The following C4orf51 variants were observed in gnomAD, a reference collection of about 807,000 sequenced individuals.
The protein encoded by C4orf51 is uncharacterized protein C4orf51.
In C4orf51, 25 loss-of-function variants were observed where a neutral mutation model predicts 25.2. The ratio of observed to expected loss-of-function variants is 0.99; its 90% CI spans 0.72 to 1.39. The LOEUF is 1.39. Among genes scored for constraint, C4orf51 ranks in the 40% most tolerant of loss-of-function variants. The pLI, the probability that C4orf51 is intolerant of heterozygous loss-of-function variation, is 0.00. For synonymous variants in C4orf51, 100 were observed against 84.5 expected (o/e 1.18, Z -1.01); for missense variants, 252 against 239.6 (o/e 1.05, Z -0.34).
chr4:145,737,608 A>G (rs183747364), downstream of C4orf51, among the ~76,000 whole-genome samples: 312 of 152,172 alleles, frequency 2.1e-3, 1 homozygote, highest in African/African-American at 7.0e-3. Context: ...TGTATGTCTG[A>G]GAAGATATTT....
rs558299405 is a variant in C4orf51 at position 145,714,409 on chromosome 4, A to G, written c.308-12502A>G. On this transcript the variant is annotated intron_variant, in intron 2 of 5. Transcript: ENST00000438731. ...ATAGCATGAATCAAGGATCTAGTAC[A>G]GTTTTATTACCTACAATCCTCACGT... Among the ~76,000 whole-genome samples, 4 of 152,342 alleles carry G rather than the reference A, an allele frequency of 2.6e-5. No individual in the cohort carries two copies. In the South Asian group the frequency reaches 6.2e-4, roughly 24 times the overall value.
chr4:145,774,004 G>C (rs1349274070), downstream of C4orf51, among the ~76,000 whole-genome samples: 2 of 152,174 alleles, frequency 1.3e-5, no homozygotes, highest in African/African-American at 2.4e-5. Flanking sequence ...AGTAGTCACT[G>C]AAACTAGTGA....
downstream of C4orf51, among the ~76,000 whole-genome samples, chr4:145,735,757 T>G (rs1396891525): frequency 6.6e-6 from 1 of 152,208 alleles, no homozygotes; most frequent in Non-Finnish European, 1.5e-5. Flanking sequence ...AAAGCTATGG[T>G]GACTATTCCA....
chr4:145,770,377 C>T (rs142573725), intron 1 of C4orf51, among the ~76,000 whole-genome samples: 1,735 of 151,610 alleles, frequency 0.011, 41 homozygotes, highest in African/African-American at 0.04. Context: ...GAGTTTGAAT[C>T]TCACTTCTAC....
downstream of C4orf51, chr4:145,758,065 C>T (rs1734086762): frequency 6.6e-6 from 1 of 152,138 alleles, no homozygotes; most frequent in Non-Finnish European, 1.5e-5. Context: ...TACATATTTT[C>T]TAGGGTGGAG....
intron 1 of C4orf51, among the ~76,000 whole-genome samples, chr4:145,750,460 C>A (rs1038315925): frequency 1.4e-5 from 2 of 147,036 alleles, no homozygotes; most frequent in Non-Finnish European, 3.0e-5. Flanking sequence ...ATATGTCATG[C>A]CACTCTCTCT....
intron 1 of C4orf51, among the ~76,000 whole-genome samples, chr4:145,744,258 G>T (rs966494851): frequency 1.3e-5 from 2 of 152,176 alleles, no homozygotes; most frequent in African/African-American, 4.8e-5. Flanking sequence ...GTTCAACTGG[G>T]ATGGAAACTT....
At chr4:145,726,874 C>T in intron 2 of C4orf51, 37 bp from the exon 3 acceptor site, 1 of 1,532,078 alleles carries the variant, frequency 6.5e-7, no homozygotes, top group Non-Finnish European at 9.0e-7. Flanking sequence ...TCTAACTCTG[C>T]ATTTAATCCT....
rs773468131 is a variant in C4orf51 at position 145,761,122 on chromosome 4, G to A, written n.167-9866G>A. The A allele has an allele frequency of 1.6e-6, 2 of 1,289,508 alleles. No homozygotes were observed. The highest frequency in any genetic ancestry group is 1.5e-5 in the African/African-American group (1 of 65,860). 79.9% of individuals were successfully genotyped at this position (1,289,508 alleles called of 1,614,324 possible). ...CCGGGAGCTCCCGACCACCAGGAGC[G>A]GGGCCCCCGGGCCGGCCGGTTCCTT... On this transcript the variant is annotated intron_variant and non_coding_transcript_variant, in intron 1 of 1. Transcript: ENST00000510096. This position sits in a 1 kb window ranked among gnomAD's most constrained non-coding sequence, Gnocchi z 6.8.
intron 2 of C4orf51, among the ~76,000 whole-genome samples, chr4:145,712,071 T>C (rs562863303): frequency 1.3e-5 from 2 of 152,348 alleles, no homozygotes; most frequent in African/African-American, 4.8e-5. Context: ...CACACTCATA[T>C]AGAACAGCAA....
At chr4:145,694,907 G>C (rs141077828) in intron 1 of C4orf51, among the ~76,000 whole-genome samples, 1 of 152,256 alleles carries the variant, frequency 6.6e-6, no homozygotes, top group African/African-American at 2.4e-5. Context: ...ATGCACAGAA[G>C]TTGAAAATGT....
chr4:145,765,991 C>T lies in C4orf51; in HGVS notation n.167-4997C>T, dbSNP rs112361734. Reference sequence around the variant, plus strand: ...AGGTCTTACATGAATTAAAATAAAACGACAGTAATAGCTAAGACATACTAA... The same window carrying T: ...AGGTCTTACATGAATTAAAATAAAATGACAGTAATAGCTAAGACATACTAA... On this transcript the variant is annotated intron_variant and non_coding_transcript_variant, in intron 1 of 1. Coordinates refer to the C4orf51 transcript ENST00000510096. The surrounding 1 kb of genome is among the most constrained non-coding windows in gnomAD (Gnocchi z 4.7). 1.7e-3 allele frequency among the ~76,000 whole-genome samples: 259 copies of T among 152,264 alleles called. 1 individual carries two copies. The highest frequency in any genetic ancestry group is 5.8e-3 in the African/African-American group (241 of 41,542).
rs1359588917 is a variant in C4orf51, at chr4:145,727,926, ATATAT to A, written c.366+963_366+967del. On this transcript the variant is annotated intron_variant, in intron 3 of 5. Coordinates refer to ENST00000438731, the MANE Select transcript of C4orf51 (RefSeq NM_001080531.3). ...ATATATATATATATATATATATAAA[ATATAT>A]TATATATATACATTATATATAATAA... Among the ~76,000 whole-genome samples, 187 of 90,122 alleles carry A rather than the reference ATATAT, an allele frequency of 2.1e-3. No individual in the cohort carries two copies. The Middle Eastern group carries it at 0.031, about 15-fold the overall frequency. 59.1% of individuals were successfully genotyped at this position (90,122 alleles called of 152,430 possible). A position where few individuals can be genotyped will look rare whatever the true frequency, so the allele number is the denominator to read the frequency against.
chr4:145,790,952 C>A, the C4orf51 span, among the ~76,000 whole-genome samples: 1 of 152,154 alleles, frequency 6.6e-6, no homozygotes, highest in African/African-American at 2.4e-5. Flanking sequence ...ATTTTTTCTC[C>A]TTCATCCAGA....
chr4:145,781,619 G>A, the C4orf51 span, among the ~76,000 whole-genome samples: 1,528 of 152,264 alleles, frequency 0.01, 27 homozygotes, highest in African/African-American at 0.035. Flanking sequence ...AAGGGGAAGA[G>A]GGCAGAAATG....
intron 3 of C4orf51, among the ~76,000 whole-genome samples, chr4:145,727,923 AAAATATAT>A (rs1470874201): frequency 6.0e-5 from 6 of 100,614 alleles, no homozygotes; most frequent in African/African-American, 3.0e-4. Flanking sequence ...ATATATATAT[AAAATATAT>A]TATATATATA....
In C4orf51 at chr4:145,749,579, T is replaced by A. The variant is rs147652947; in HGVS notation, n.168-4628T>A. On this transcript the variant is annotated intron_variant and non_coding_transcript_variant, in intron 1 of 1. Transcript: ENST00000508981. Reference sequence around the variant, plus strand: ...TTTTATTTTTTGTGTATCTGTTATATGTTTTTTGGTTTGAAGTTACTATGA... The same window carrying A: ...TTTTATTTTTTGTGTATCTGTTATAAGTTTTTTGGTTTGAAGTTACTATGA... Among the ~76,000 whole-genome samples, 8 of 152,298 alleles carry A rather than the reference T, an allele frequency of 5.3e-5. No homozygotes were observed. In the East Asian group the frequency reaches 1.5e-3, roughly 29 times the overall value.
chr4:145,781,963 G>A, the C4orf51 span, among the ~76,000 whole-genome samples: 4 of 152,206 alleles, frequency 2.6e-5, no homozygotes, highest in African/African-American at 9.7e-5. Context: ...AGAAGCTGAA[G>A]CATCATGAAC....
In C4orf51 at chr4:145,732,652, C is replaced by A; in HGVS notation, c.*92C>A. 2 of 776,990 alleles carry A rather than the reference C, an allele frequency of 2.6e-6. No individual in the cohort carries two copies. The highest frequency in any genetic ancestry group is 2.8e-5 in the East Asian group (1 of 35,666). 48.1% of individuals were successfully genotyped at this position (776,990 alleles called of 1,614,324 possible). Reference sequence around the variant, plus strand: ...GCCCTCCCAACACCCTCCCCCCACCCGCCCCGCCCAGGAACGTCTGGACCC... The same window carrying A: ...GCCCTCCCAACACCCTCCCCCCACCAGCCCCGCCCAGGAACGTCTGGACCC... On this transcript the variant is annotated 3_prime_UTR_variant, in exon 6 of 6. Coordinates refer to ENST00000438731, the MANE Select transcript of C4orf51 (RefSeq NM_001080531.3).
Sources: gnomAD v4.1 joint callset for allele counts (sites outside exome capture counted in the v4.1 genomes callset) on GRCh38, gnomAD v4.1.1 for gene constraint, Gnocchi (gnomAD v3.1) non-coding constraint, MANE v1.5 for transcripts, NCBI Gene and HGNC (gene_info 2026-07-23, HGNC 2026-07-21) for gene names.